Variants in MRPL32 observed in about 807,000 individuals in gnomAD.
MRPL32 encodes the protein large ribosomal subunit protein bL32m.
In MRPL32, 14 loss-of-function variants were observed where a neutral mutation model predicts 21.7. The observed-to-expected ratio is 0.64, with a 90% CI of 0.43 to 1.01. MRPL32 has a LOEUF of 1.01. Among genes scored for constraint, MRPL32 ranks in the 50% least tolerant of loss-of-function variants. MRPL32 has a pLI of 0.00. For synonymous variants in MRPL32, 83 were observed against 87.7 expected, an observed-to-expected ratio of 0.95 and a Z score of 0.30; for missense variants, 211 against 235.9, an observed-to-expected ratio of 0.89 and a Z score of 0.69.
intron 2 of MRPL32, 131 bp from the exon 3 acceptor site, chr7:42,937,191 G>C: frequency 1.9e-6 from 3 of 1,575,194 alleles, no homozygotes; most frequent in Non-Finnish European, 2.6e-6. Flanking sequence ...GGTGGAACTA[G>C]ATGGTGTATG....
Position 42,932,490 on chromosome 7 carries a change from G to A in MRPL32, c.104G>A (p.Arg35Gln). The A allele has an allele frequency of 1.2e-6, 2 of 1,609,500 alleles. No homozygotes were observed. Among genetic ancestry groups the A allele is most frequent in the South Asian group, 2.2e-5 (2 of 90,942 alleles). The stretch of plus-strand genomic sequence containing the variant: ...CTGCTACGGAAGCTTCCGCAGAGCC[G>A]GCCGGGCTTTCCCAGTCCTCCGTGG... ...ERLLRKLPQSRPGFPSPPWGP... is the reference protein window; with the variant it reads ...ERLLRKLPQSQPGFPSPPWGP... Residue 35 changes from arginine to glutamine, a missense_variant, in exon 1 of 3, where the codon CGG becomes CAG. Coordinates refer to ENST00000223324, the MANE Select transcript of MRPL32 (RefSeq NM_031903.3).
intron 1 of MRPL32, among the ~76,000 whole-genome samples, chr7:42,932,721 T>C (rs1009882498): frequency 7.2e-6 from 1 of 138,164 alleles, no homozygotes; most frequent in Non-Finnish European, 1.6e-5. Context: ...AAAAAAAAAA[T>C]TCCTCTGCTT....
At position 42,936,686 on chromosome 7, in the gene MRPL32, C is replaced by CTATATATATATATATATATATA. The variant is rs201488171; in HGVS notation, c.313-635_313-634insATATATATATATATATATATAT. The CTATATATATATATATATATATA allele has an allele frequency of 6.2e-5, 8 of 129,340 alleles. No homozygotes were observed. The South Asian group carries it at 1.7e-3, about 28-fold the overall frequency. 8.0% of individuals were successfully genotyped at this position (129,340 alleles called of 1,614,324 possible). A position where few individuals can be genotyped will look rare whatever the true frequency, so the allele number is the denominator to read the frequency against. ...GAGATATATATATATCTATATCTATCTCTATATATATATATATACACACAC... is the reference window on the plus strand; with the variant it reads ...GAGATATATATATATCTATATCTATCTATATATATATATATATATATATCTATATATATATATATACACACAC... On this transcript the variant is annotated intron_variant, in intron 2 of 2. Transcript: ENST00000223324.
At chr7:42,934,083 A>C (rs907014051) in intron 1 of MRPL32, among the ~76,000 whole-genome samples, 2 of 152,164 alleles carry the variant, frequency 1.3e-5, no homozygotes, top group African/African-American at 4.8e-5. Context: ...AGCCTGGCCA[A>C]CATTGTGAAA....
At chr7:42,935,799 G>T (rs994567258) in intron 2 of MRPL32, 3 of 152,130 alleles carry the variant, frequency 2.0e-5, no homozygotes, top group Non-Finnish European at 2.9e-5. Flanking sequence ...TCTGATTTTT[G>T]ACCTCATGTT....
Position 42,932,462 on chromosome 7 carries a change from C to G in MRPL32, c.76C>G (p.Arg26Gly). The change falls in exon 1 of 3, where the codon CGA (arginine) becomes GGA (glycine). Residue 26 changes from arginine (R) to glycine (G), a missense_variant. Arg to Gly is a moderately radical substitution (Grantham distance 125). Transcript: ENST00000223324. The part of the protein sequence containing the change: ...ARGVLRNYWE[R>G]LLRKLPQSRP... ...GGGAGTGCTTCGAAACTACTGGGAG[C>G]GACTGCTACGGAAGCTTCCGCAGAG... 1 of 1,611,722 alleles carries G rather than the reference C, an allele frequency of 6.2e-7. No individual in the cohort carries two copies. The highest frequency in any genetic ancestry group is 8.5e-7 in the Non-Finnish European group (1 of 1,178,284).
At chr7:42,932,785 C>T (rs963913791) in intron 1 of MRPL32, among the ~76,000 whole-genome samples, 2 of 127,578 alleles carry the variant, frequency 1.6e-5, no homozygotes, top group Non-Finnish European at 3.6e-5. Flanking sequence ...TAAATCATAG[C>T]CAGCCAGTAA....
chr7:42,933,433 C>T (rs1786365415), intron 1 of MRPL32, among the ~76,000 whole-genome samples: 1 of 151,798 alleles, frequency 6.6e-6, no homozygotes, highest in Admixed American at 6.6e-5. Context: ...CTTTCCTTTC[C>T]AGCCCTGCCC....
chr7:42,932,756 C>A (rs1216895688), intron 1 of MRPL32, among the ~76,000 whole-genome samples: 1 of 151,326 alleles, frequency 6.6e-6, no homozygotes, highest in Non-Finnish European at 1.5e-5. Context: ...CAGAATGTAA[C>A]CCAAGCTTGT....
In MRPL32 at chr7:42,937,482, T is replaced by G; in HGVS notation, c.473T>G (p.Val158Gly). Residue 158 changes from valine to glycine, a missense_variant, in exon 3 of 3, where the codon GTG becomes GGG. By Grantham distance (109) the Val-to-Gly change is moderately radical (BLOSUM62 -3). Around this residue, in one of 2 missense-constraint regions of MRPL32, gnomAD observed 130 missense variants for 180.1 expected, o/e 0.72. Coordinates refer to ENST00000223324, the MANE Select transcript of MRPL32 (RefSeq NM_031903.3). ...PFKAPTIETV[V>G]LYTGETPSEQ... is the part of the protein sequence containing the mutation. ...AAGGCTCCCACCATAGAGACTGTGG[T>G]GCTGTACACGGGAGAGACACCGTCT... 2 of 1,614,010 alleles carry G rather than the reference T, an allele frequency of 1.2e-6. No homozygotes were observed. The highest frequency in any genetic ancestry group is 1.1e-5 in the South Asian group (1 of 91,078).
At chr7:42,935,542 C>T (rs1786409874) in intron 2 of MRPL32, 1 of 154,672 alleles carries the variant, frequency 6.5e-6, no homozygotes, top group Non-Finnish European at 1.4e-5. Context: ...CAAGCCCTTA[C>T]ATATTTGTTT....
intron 2 of MRPL32, chr7:42,936,945 T>C (rs1000629327): frequency 1.8e-4 from 62 of 344,940 alleles, no homozygotes; most frequent in Non-Finnish European, 1.6e-4. Flanking sequence ...TCACTTTTCC[T>C]TGGTGTCTTA....
chr7:42,933,690 A>G (rs143235008), intron 1 of MRPL32, among the ~76,000 whole-genome samples: 1 of 152,318 alleles, frequency 6.6e-6, no homozygotes, highest in Non-Finnish European at 1.5e-5. Context: ...TGAAAGTGAT[A>G]ATATCCAGAA....
intron 2 of MRPL32, chr7:42,936,186 A>G (rs187125843): frequency 6.6e-6 from 1 of 152,236 alleles, no homozygotes. Flanking sequence ...TTTGCTCAAG[A>G]GGACGTAAGA....
intron 2 of MRPL32, 94 bp downstream of exon 2, chr7:42,935,230 C>T (rs910557885): frequency 2.0e-6 from 2 of 1,009,178 alleles, no homozygotes; most frequent in African/African-American, 1.6e-5. Context: ...AAATTATTAT[C>T]AGATTATATG....
intron 1 of MRPL32, 47 bp downstream of exon 1, chr7:42,932,563 T>A: frequency 1.3e-6 from 2 of 1,539,384 alleles, no homozygotes; most frequent in Non-Finnish European, 1.8e-6. Context: ...TGACGGGACC[T>A]CGGGCAGCGT....
At chr7:42,937,087 A>G (rs1786437445) in intron 2 of MRPL32, 1 of 933,658 alleles carries the variant, frequency 1.1e-6, no homozygotes. Flanking sequence ...GTGTTTAAGT[A>G]AAGATACCAG....
chr7:42,933,764 C>G (rs1303500606), intron 1 of MRPL32, among the ~76,000 whole-genome samples: 2 of 152,138 alleles, frequency 1.3e-5, no homozygotes, highest in Non-Finnish European at 2.9e-5. Flanking sequence ...ACATGTACTT[C>G]CTGGGATAAT....
intron 1 of MRPL32, among the ~76,000 whole-genome samples, chr7:42,934,346 C>A (rs1786389557): frequency 6.6e-6 from 1 of 151,390 alleles, no homozygotes; most frequent in Admixed American, 6.6e-5. Context: ...ATAAGCAATT[C>A]AGAAAAAGAG....
Sources: gnomAD v4.1 joint callset for allele counts (sites outside exome capture counted in the v4.1 genomes callset) on GRCh38, gnomAD v4.1.1 for gene constraint, gnomAD v4.1.1 regional missense constraint, MANE v1.5 for transcripts, NCBI Gene and HGNC (gene_info 2026-07-23, HGNC 2026-07-21) for gene names.